The following PAX7 variants were observed in gnomAD, a reference collection of about 807,000 sequenced individuals.
PAX7 encodes paired box 7.
Under a neutral mutation model 50.7 loss-of-function variants are expected in PAX7, and 18 were observed. The ratio of observed to expected loss-of-function variants is 0.36; its 90% CI spans 0.25 to 0.53. The LOEUF (loss-of-function observed/expected upper bound fraction) is 0.53. Ranked by LOEUF, PAX7 falls within the 20% of genes least tolerant of loss-of-function variation. The pLI is 0.93. For synonymous variants in PAX7, 310 were observed against 290.4 expected, an observed-to-expected ratio of 1.07 and a Z score of -0.69; for missense variants, 644 against 702.9, an observed-to-expected ratio of 0.92 and a Z score of 0.95.
chr1:18,716,922 G>C (rs2100358377), intron 7 of PAX7, among the ~76,000 whole-genome samples: 1 of 152,070 alleles, frequency 6.6e-6, no homozygotes, highest in South Asian at 2.1e-4. Flanking sequence ...CCGAGGCAGG[G>C]ACCGGGCGCG....
At chr1:18,655,890 G>A (rs541858909) in intron 4 of PAX7, among the ~76,000 whole-genome samples, 58 of 151,572 alleles carry the variant, frequency 3.8e-4, no homozygotes, top group Middle Eastern at 6.8e-3. Context: ...AGTCACATTC[G>A]TTTGTTCATC....
intron 6 of PAX7, among the ~76,000 whole-genome samples, chr1:18,702,070 C>T (rs946903836): frequency 6.6e-6 from 1 of 152,046 alleles, no homozygotes; most frequent in Non-Finnish European, 1.5e-5. Context: ...CAGTGGCTCA[C>T]AACTGCAATC....
At chr1:18,743,797 G>T (rs1931281255) in intron 8 of PAX7, among the ~76,000 whole-genome samples, 1 of 152,228 alleles carries the variant, frequency 6.6e-6, no homozygotes. Flanking sequence ...GTACCTGGCT[G>T]AGTTGGAACT....
intron 4 of PAX7, among the ~76,000 whole-genome samples, chr1:18,673,921 C>T (rs2088788893): frequency 6.6e-6 from 1 of 152,330 alleles, no homozygotes; most frequent in South Asian, 2.1e-4. Flanking sequence ...AGTCCTCGAC[C>T]TCTTGGAACT....
chr1:18,688,925 A>T (rs567290976), intron 4 of PAX7, among the ~76,000 whole-genome samples: 1 of 152,134 alleles, frequency 6.6e-6, no homozygotes, highest in East Asian at 1.9e-4. Context: ...AAAATATAAA[A>T]ATAAAAAATA....
chr1:18,699,116 C>T (rs1033469081), intron 5 of PAX7, among the ~76,000 whole-genome samples: 9 of 152,230 alleles, frequency 5.9e-5, no homozygotes, highest in Non-Finnish European at 8.8e-5. Context: ...TCATTCACTC[C>T]TTCATTCATT....
Position 18,746,214 on chromosome 1 carries a change from A to G in PAX7, c.*1285A>G, listed in dbSNP as rs1931432627. 4.3e-6 allele frequency: 1 copy of G among 231,244 alleles called. No homozygotes were observed. 14.3% of individuals were successfully genotyped at this position (231,244 alleles called of 1,614,324 possible). Reference sequence around the variant, plus strand: ...GTCCTGCTCAGAGTGGCATCTTTCAATGTTGCCTCCATCTTGGCCAAGAGG... The same window carrying G: ...GTCCTGCTCAGAGTGGCATCTTTCAGTGTTGCCTCCATCTTGGCCAAGAGG... On this transcript the variant is annotated 3_prime_UTR_variant, in exon 9 of 9. Transcript: ENST00000420770.
chr1:18,684,900 G>A (rs2088952976), intron 4 of PAX7, among the ~76,000 whole-genome samples: 1 of 152,170 alleles, frequency 6.6e-6, no homozygotes, highest in South Asian at 2.1e-4. Context: ...GCCACTGCCG[G>A]CCTCCACTGA....
rs768757992 is a variant in PAX7 at position 18,636,843 on chromosome 1, C to T, written c.586+472C>T. ...TTTGTTAACCAGACCCCCACACGCT[C>T]TCTAAACGGTCCCTTGAAACCCCGC... On this transcript the variant is annotated intron_variant, in intron 4 of 8. Transcript: ENST00000420770. The surrounding 1 kb of genome is among the most constrained non-coding windows in gnomAD (Gnocchi z 5.1). Among the ~76,000 whole-genome samples, 1 of 152,198 alleles carries T rather than the reference C, an allele frequency of 6.6e-6. No individual in the cohort carries two copies. Among genetic ancestry groups the T allele is most frequent in the Non-Finnish European group, 1.5e-5 (1 of 68,036 alleles).
chr1:18,638,069 T>C (rs1396651656), intron 4 of PAX7, among the ~76,000 whole-genome samples: 2 of 152,236 alleles, frequency 1.3e-5, no homozygotes, highest in Non-Finnish European at 2.9e-5. Flanking sequence ...TCGAATAATC[T>C]TTCCTGGACA....
intron 5 of PAX7, among the ~76,000 whole-genome samples, chr1:18,698,272 TACACACAC>T (rs71018097): frequency 4.7e-5 from 7 of 147,426 alleles, no homozygotes; most frequent in South Asian, 4.4e-4. Flanking sequence ...ATTGTTAAAA[TACACACAC>T]ACACACACAC....
chr1:18,700,515 C>A lies in PAX7; in HGVS notation c.787-138C>A. 1 of 727,522 alleles carries A rather than the reference C, an allele frequency of 1.4e-6. No individual in the cohort carries two copies. Among genetic ancestry groups the A allele is most frequent in the Non-Finnish European group, 2.1e-6 (1 of 465,986 alleles). 45.1% of individuals were successfully genotyped at this position (727,522 alleles called of 1,614,324 possible). On this transcript the variant is annotated intron_variant, in intron 5 of 8. Transcript: ENST00000420770. The surrounding 1 kb of genome is among the most constrained non-coding windows in gnomAD (Gnocchi z 4.8). ...AAATCACTCTGCAAAGCGTCCTGTG[C>A]TGCACAATGCCGGGGCCTGCAGGAG...
At chr1:18,739,665 G>A (rs1307573219) in intron 8 of PAX7, among the ~76,000 whole-genome samples, 2 of 152,168 alleles carry the variant, frequency 1.3e-5, no homozygotes, top group African/African-American at 2.4e-5. Context: ...GGTGTGCATG[G>A]AACAAGCCTA....
At chr1:18,703,628 T>G (rs920692338) in intron 7 of PAX7, among the ~76,000 whole-genome samples, 2 of 152,212 alleles carry the variant, frequency 1.3e-5, no homozygotes, top group African/African-American at 4.8e-5. Flanking sequence ...GGGGTGCTGT[T>G]AGAAGTCACA....
Position 18,745,022 on chromosome 1 carries a change from C to A in PAX7, c.*93C>A. 1.4e-6 allele frequency: 1 copy of A among 732,012 alleles called. No individual in the cohort carries two copies. Among genetic ancestry groups the A allele is most frequent in the Non-Finnish European group, 2.3e-6 (1 of 429,646 alleles). 45.3% of individuals were successfully genotyped at this position (732,012 alleles called of 1,614,324 possible). A position where few individuals can be genotyped will look rare whatever the true frequency, so the allele number is the denominator to read the frequency against. On this transcript the variant is annotated 3_prime_UTR_variant, in exon 9 of 9. Transcript: ENST00000420770. ...CCTTGCCGCCTCACCCCCCTGTTGT[C>A]CTAGGAGGCCAGGAAAGGAGCCCAC...
At position 18,636,310 on chromosome 1, in the gene PAX7, G is replaced by A; in HGVS notation, c.525G>A (p.Lys175=). The change falls in exon 4 of 9, where the codon AAG becomes AAA. Residue 175 remains lysine (K), a synonymous_variant. Coordinates refer to ENST00000420770, the MANE Select transcript of PAX7 (RefSeq NM_001135254.2). This position sits in a 1 kb window ranked among gnomAD's most constrained non-coding sequence, Gnocchi z 5.1. ...GKKEEEDEAD[K]KEDDGEKKAK... is the part of the protein sequence containing the mutation. The stretch of plus-strand genomic sequence containing the variant: ...AAGAGGAGGAGGATGAAGCGGACAA[G>A]AAGGAGGACGACGGCGAAAAGAAGG... 1 of 1,614,236 alleles carries A rather than the reference G, an allele frequency of 6.2e-7. No homozygotes were observed. Among genetic ancestry groups the A allele is most frequent in the Non-Finnish European group, 8.5e-7 (1 of 1,180,018 alleles).
intron 5 of PAX7, among the ~76,000 whole-genome samples, chr1:18,696,570 A>G (rs993801240): frequency 6.6e-6 from 1 of 152,266 alleles, no homozygotes; most frequent in African/African-American, 2.4e-5. Context: ...CAGCCATAAA[A>G]AAGAATGAGA....
At chr1:18,684,846 C>T (rs991485296) in intron 4 of PAX7, among the ~76,000 whole-genome samples, 28 of 152,096 alleles carry the variant, frequency 1.8e-4, no homozygotes, top group African/African-American at 6.0e-4. Context: ...GGAGGGTTTC[C>T]GGAGGGTGTG....
rs2089242567 is a variant in PAX7 at position 18,703,132 on chromosome 1, C to G, written c.991C>G (p.Pro331Ala). ...STVHRPQPLP[P>A]STMHQGGLAA... ...TGTGCACCGGCCTCAGCCCCTGCCA[C>G]CGTCCACCATGCACCAGGGCGGGCT... Residue 331 changes from proline to alanine, a missense_variant, in exon 7 of 9, where the codon CCG becomes GCG. Physicochemically the swap from Pro to Ala is conservative, Grantham distance 27 (BLOSUM62 -1). Transcript: ENST00000420770. The G allele has an allele frequency of 6.2e-7, 1 of 1,614,048 alleles. No homozygotes were observed. The highest frequency in any genetic ancestry group is 8.5e-7 in the Non-Finnish European group (1 of 1,179,968).
Sources: gnomAD v4.1 joint callset for allele counts (sites outside exome capture counted in the v4.1 genomes callset) on GRCh38, gnomAD v4.1.1 for gene constraint, Gnocchi (gnomAD v3.1) non-coding constraint, MANE v1.5 for transcripts, NCBI Gene and HGNC (gene_info 2026-07-23, HGNC 2026-07-21) for gene names.